The following DNAH17 variants were observed in gnomAD, a reference collection of about 807,000 sequenced individuals.
The protein encoded by DNAH17 is dynein axonemal heavy chain 17.
Under a neutral mutation model 485.6 loss-of-function variants are expected in DNAH17, and 376 were observed. The observed-to-expected ratio is 0.77, with a 90% CI of 0.71 to 0.84. The LOEUF (loss-of-function observed/expected upper bound fraction) is 0.84, where lower values mean the gene tolerates loss of function less well. DNAH17 is among the 40% of genes least tolerant of loss of function. The probability of loss-of-function intolerance (pLI) is 0.00; values close to 1 mark genes in which losing one functional copy is unlikely to be tolerated. For missense variants in DNAH17, 6,370 were observed against 5,839.3 expected (o/e 1.09, Z -2.96); for synonymous variants, 3,031 against 2,405.9 (o/e 1.26, Z -7.60).
At chr17:78,456,251 A>G (rs546075212) in intron 62 of DNAH17, among the ~76,000 whole-genome samples, 1 of 152,200 alleles carries the variant, frequency 6.6e-6, no homozygotes, top group Non-Finnish European at 1.5e-5. Context: ...GGGAGCCGAG[A>G]TTGGGCCACT....
Position 78,525,096 on chromosome 17 carries a change from G to A in DNAH17, c.3777C>T (p.Phe1259=), listed in dbSNP as rs765725696. Residue 1259 remains phenylalanine (F), a synonymous_variant, in exon 25 of 81, where the codon TTC becomes TTT. Transcript: ENST00000389840. The part of the protein sequence containing the change: ...MEALSKSGGL[F]EVPVPDYKQL... Reference sequence around the variant, plus strand: ...GCTTGTAGTCTGGGACGGGGACCTCGAACAGGCCCCCGGACTTGGACAGCG... The same window carrying A: ...GCTTGTAGTCTGGGACGGGGACCTCAAACAGGCCCCCGGACTTGGACAGCG... The A allele has an allele frequency of 1.8e-5, 29 of 1,613,660 alleles. No homozygotes were observed. The highest frequency in any genetic ancestry group is 1.6e-4 in the Middle Eastern group (1 of 6,084).
At chr17:78,560,689 T>TCC in intron 13 of DNAH17, 51 bp downstream of exon 13, 2 of 1,487,474 alleles carry the variant, frequency 1.3e-6, no homozygotes, top group East Asian at 2.5e-5. Flanking sequence ...TGGCAGGCCC[T>TCC]CCCCCCGCTC....
intron 69 of DNAH17, among the ~76,000 whole-genome samples, chr17:78,448,708 G>A (rs934539417): frequency 3.3e-5 from 5 of 152,196 alleles, no homozygotes; most frequent in Admixed American, 2.0e-4. Context: ...CAGTTGGGCC[G>A]TGACAGCAGA....
chr17:78,487,072 G>A (rs1030753338), intron 44 of DNAH17, among the ~76,000 whole-genome samples: 9 of 148,982 alleles, frequency 6.0e-5, no homozygotes, highest in Admixed American at 4.1e-4. Context: ...AATACAACCA[G>A]CAATCCTTGA....
chr17:78,480,834 C>CCAT, intron 48 of DNAH17, 48 bp from the exon 49 acceptor site: 2 of 1,339,872 alleles, frequency 1.5e-6, no homozygotes, highest in Non-Finnish European at 2.1e-6. Flanking sequence ...CCTGGAGGAA[C>CCAT]CATCCCCTGC....
chr17:78,456,361 C>T (rs1193954775), intron 62 of DNAH17, among the ~76,000 whole-genome samples: 2 of 152,104 alleles, frequency 1.3e-5, no homozygotes, highest in African/African-American at 2.4e-5. Context: ...CTTAGGAATG[C>T]TGTGTTTCCT....
At chr17:78,432,400 AGG>A in intron 75 of DNAH17, among the ~76,000 whole-genome samples, 1 of 142,770 alleles carries the variant, frequency 7.0e-6, no homozygotes, top group Non-Finnish European at 1.5e-5. Flanking sequence ...CAGACAGCAG[AGG>A]CTGCCTTTCC....
Position 78,425,330 on chromosome 17 carries a change from C to T in DNAH17, c.13141+16G>A. 1.2e-6 allele frequency: 2 copies of T among 1,610,780 alleles called. No homozygotes were observed. Among genetic ancestry groups the T allele is most frequent in the Middle Eastern group, 1.7e-4 (1 of 6,048 alleles). Reference sequence around the variant, plus strand: ...GGCTCTGGAAGCTTCTGCAGACAGACAAGAGCCCTCCTTACCTTCCATGAA... The same window carrying T: ...GGCTCTGGAAGCTTCTGCAGACAGATAAGAGCCCTCCTTACCTTCCATGAA... On this transcript the variant is annotated intron_variant, in intron 80 of 80. Coordinates refer to ENST00000389840, the MANE Select transcript of DNAH17 (RefSeq NM_173628.4).
At chr17:78,562,812 T>C (rs1448874105) in intron 11 of DNAH17, among the ~76,000 whole-genome samples, 4 of 152,062 alleles carry the variant, frequency 2.6e-5, no homozygotes, top group Non-Finnish European at 5.9e-5. Context: ...CATCAGGAAA[T>C]GTGTTTCGCT....
intron 19 of DNAH17, among the ~76,000 whole-genome samples, chr17:78,535,066 G>C (rs757695270): frequency 3.3e-5 from 5 of 152,174 alleles, no homozygotes; most frequent in African/African-American, 1.2e-4. Context: ...CTGGGCAACA[G>C]GCCCTTCAGC....
intron 17 of DNAH17, among the ~76,000 whole-genome samples, chr17:78,542,243 G>A (rs1481054435): frequency 2.0e-5 from 3 of 151,346 alleles, no homozygotes; most frequent in Non-Finnish European, 2.9e-5. Flanking sequence ...CGCCTCCCAG[G>A]TTCAAGCAAT....
chr17:78,522,908 C>A (rs970162004), intron 25 of DNAH17: 20 of 158,626 alleles, frequency 1.3e-4, no homozygotes, highest in Non-Finnish European at 1.6e-4. Flanking sequence ...GGCTGGAGTG[C>A]AGTGGCTCCA....
At position 78,454,637 on chromosome 17, in the gene DNAH17, G is replaced by C. The variant is rs1432331976; in HGVS notation, c.10239C>G (p.Thr3413=). The change falls in exon 64 of 81, where the codon ACC becomes ACG. Residue 3413 remains threonine, a synonymous_variant. Transcript: ENST00000389840. The part of the protein sequence containing the change: ...SLLTDDADVA[T]WNNQGLPSDR... ...CGCTGGGGAGGCCCTGGTTGTTCCA[G>C]GTGGCCACGTCCGCGTCATCTGTCA... is the stretch of plus-strand genomic sequence containing the variant. 1 of 1,613,236 alleles carries C rather than the reference G, an allele frequency of 6.2e-7. No individual in the cohort carries two copies. The highest frequency in any genetic ancestry group is 8.5e-7 in the Non-Finnish European group (1 of 1,179,896).
At chr17:78,565,019 C>A (rs1301327756) in intron 11 of DNAH17, among the ~76,000 whole-genome samples, 1 of 152,176 alleles carries the variant, frequency 6.6e-6, no homozygotes, top group African/African-American at 2.4e-5. Flanking sequence ...CAGGGGATGT[C>A]TGATTACCCT....
At chr17:78,454,727 CT>C in intron 63 of DNAH17, 22 bp from the exon 64 acceptor site, 1 of 1,592,558 alleles carries the variant, frequency 6.3e-7, no homozygotes. Context: ...GGCACACTTT[CT>C]TAGAGGGGGT....
chr17:78,433,971 G>GGGAAGGAGGGAA, intron 75 of DNAH17, 58 bp downstream of exon 75: 1 of 1,379,844 alleles, frequency 7.2e-7, no homozygotes, highest in Non-Finnish European at 9.8e-7. Context: ...GAAGGAGGGA[G>GGGAAGGAGGGAA]GGAAGGAGGG....
At chr17:78,457,658 T>A (rs2087872139) in intron 62 of DNAH17, among the ~76,000 whole-genome samples, 1 of 5,610 alleles carries the variant, frequency 1.8e-4, no homozygotes, top group South Asian at 7.6e-3. Flanking sequence ...CGTGCCTGGC[T>A]TTTTTTTTTT....
chr17:78,460,355 C>CATGTGTGTGCATGTGT (rs2088048790), intron 58 of DNAH17, 98 bp from the exon 59 acceptor site: 1 of 1,019,310 alleles, frequency 9.8e-7, no homozygotes, highest in East Asian at 2.6e-5. Flanking sequence ...CATGTGTGTG[C>CATGTGTGTGCATGTGT]ATGTATGCAC....
chr17:78,490,194 C>T (rs970580701), intron 44 of DNAH17: 1 of 154,614 alleles, frequency 6.5e-6, no homozygotes, highest in African/African-American at 2.4e-5. Context: ...GAAAGGGACA[C>T]TTGCACCTTG....
Sources: allele counts gnomAD v4.1 joint callset (sites outside exome capture counted in the v4.1 genomes callset), GRCh38; gene constraint gnomAD v4.1.1; transcripts MANE v1.5; gene names NCBI Gene and HGNC (gene_info 2026-07-23, HGNC 2026-07-21).